C17orf75: variants seen among roughly 807,000 people sequenced by gnomAD.
C17orf75 encodes the protein chromosome 17 open reading frame 75, also known as protein Njmu-R1.
A neutral mutation model predicts 49.6 loss-of-function variants in C17orf75; 32 were observed. That is an observed-to-expected ratio of 0.65 (90% CI 0.49 to 0.87). The LOEUF is 0.87. C17orf75 is among the 40% of genes least tolerant of loss of function. The pLI is 0.00. For synonymous variants in C17orf75, 158 were observed against 159.5 expected, an observed-to-expected ratio of 0.99 and a Z score of 0.07; for missense variants, 428 against 473.9, an observed-to-expected ratio of 0.90 and a Z score of 0.90.
At chr17:32,342,221 G>A (rs1174955386), upstream of C17orf75, 5 of 1,401,796 alleles carry the variant, frequency 3.6e-6, no homozygotes, top group Non-Finnish European at 4.7e-6. Flanking sequence ...GGGCTCGTCC[G>A]GCTCCCGGCC....
rs1400503879 is a variant in C17orf75 at position 32,341,989 on chromosome 17, G to A, written c.140+11C>T. On this transcript the variant is annotated intron_variant, in intron 1 of 9. Coordinates refer to ENST00000577809, the MANE Select transcript of C17orf75 (RefSeq NM_022344.4). ...GCGGGCGGGCTGGCAGGCCGAGCTG[G>A]GCGCCAGCACCTGCTTCCGCGATAG... The A allele has an allele frequency of 2.8e-6, 4 of 1,437,028 alleles. No homozygotes were observed. The highest frequency in any genetic ancestry group is 3.7e-6 in the Non-Finnish European group (4 of 1,090,958). The allele number at this position is 1,437,028 out of a possible 1,614,324, so 89.0% of individuals were successfully genotyped here. A position where few individuals can be genotyped will look rare whatever the true frequency, so the allele number is the denominator to read the frequency against.
intron 8 of C17orf75, 49 bp from the exon 9 acceptor site, chr17:32,333,569 TTA>T (rs757129391): frequency 1.5e-6 from 2 of 1,366,338 alleles, no homozygotes; most frequent in South Asian, 2.5e-5. Flanking sequence ...TTACAAAGCT[TTA>T]TTTATTTATT....
upstream of C17orf75, chr17:32,343,874 TGA>T (rs1336948698): frequency 6.6e-5 from 45 of 678,524 alleles, no homozygotes; most frequent in Non-Finnish European, 8.1e-5. Context: ...CTGGAGAGGT[TGA>T]GTTACCACAG....
intron 1 of C17orf75, among the ~76,000 whole-genome samples, chr17:32,347,213 G>A (rs767316727): frequency 2.6e-5 from 4 of 151,736 alleles, no homozygotes; most frequent in South Asian, 2.1e-4. Context: ...AACCCACATC[G>A]GCCTCCCAAA....
Position 32,338,337 on chromosome 17 carries a change from C to A in C17orf75, c.362G>T (p.Arg121Leu), listed in dbSNP as rs754719284. 1 of 1,601,788 alleles carries A rather than the reference C, an allele frequency of 6.2e-7. No individual in the cohort carries two copies. The highest frequency in any genetic ancestry group is 1.8e-5 in the Admixed American group (1 of 55,770). ...GAAAAGGCAGTAATAACAACCAACT[C>A]GGTAACCTGGAATTCTAGAAAAGAA... ...ASVELKIPGY[R>L]VGCYYCLFQN... is the part of the protein sequence containing the mutation. Residue 121 changes from arginine (R) to leucine (L), a missense_variant, in exon 4 of 10, where the codon CGA becomes CTA. By Grantham distance (102) the Arg-to-Leu change is moderately radical (BLOSUM62 -2). Coordinates refer to ENST00000577809, the MANE Select transcript of C17orf75 (RefSeq NM_022344.4).
At chr17:32,339,408 T>TAAA (rs574223196) in intron 3 of C17orf75, among the ~76,000 whole-genome samples, 1 of 114,850 alleles carries the variant, frequency 8.7e-6, no homozygotes, top group Non-Finnish European at 1.9e-5. Context: ...ACCCCATTTC[T>TAAA]AAAAAAAAAA....
upstream of C17orf75, chr17:32,343,866 G>A: frequency 1.5e-6 from 1 of 677,772 alleles, no homozygotes; most frequent in Non-Finnish European, 2.7e-6. Flanking sequence ...AGAACTTCCT[G>A]GAGAGGTTGA....
intron 5 of C17orf75, among the ~76,000 whole-genome samples, chr17:32,335,729 T>C (rs2041318576): frequency 6.6e-6 from 1 of 152,054 alleles, no homozygotes; most frequent in Admixed American, 6.6e-5. Flanking sequence ...CAGGGAAGAG[T>C]TGGGCACTCA....
In C17orf75 at chr17:32,338,283, A is replaced by G. The variant is rs1399617693; in HGVS notation, c.416T>C (p.Val139Ala). 1 of 1,612,836 alleles carries G rather than the reference A, an allele frequency of 6.2e-7. No homozygotes were observed. The change falls in exon 4 of 10, where the codon GTA becomes GCA. Residue 139 changes from valine (V) to alanine (A), a missense_variant. By Grantham distance (64) the Val-to-Ala change is moderately conservative. Transcript: ENST00000577809. ...AGGGTTACGTTCAGAGTCTATCGTT[A>G]CTGTTTCAGGAAGCAGTTTTTCATT... ...FQNEKLLPET[V>A]TIDSERNPSE...
intron 5 of C17orf75, among the ~76,000 whole-genome samples, chr17:32,337,153 T>C (rs1240496131): frequency 6.7e-6 from 1 of 148,426 alleles, no homozygotes; most frequent in East Asian, 2.0e-4. Context: ...TCTCAAAAAA[T>C]GAAAAAGAAA....
rs1259755488 is a variant in C17orf75 at position 32,335,329 on chromosome 17, T to C, written c.663A>G (p.Leu221=). The C allele has an allele frequency of 5.0e-6, 8 of 1,613,772 alleles. No individual in the cohort carries two copies. Among genetic ancestry groups the C allele is most frequent in the Non-Finnish European group, 8.5e-7 (1 of 1,179,822 alleles). Residue 221 remains leucine (L), a synonymous_variant, in exon 6 of 10, where the codon CTA becomes CTG. Transcript: ENST00000577809. The stretch of plus-strand genomic sequence containing the variant: ...CTCATTTGGCAGTACTTACAGCATG[T>C]AGCAGAAAGGTAAGCTTTTCCTGAA... The part of the protein sequence containing the change: ...LLFQEKLTFL[L]HAALSYTPVE...
chr17:32,340,084 AATGT>A (rs2041364422), intron 2 of C17orf75, 146 bp from the exon 3 acceptor site: 1 of 849,454 alleles, frequency 1.2e-6, no homozygotes, highest in African/African-American at 1.7e-5. Context: ...GGCTTCTAGG[AATGT>A]ATGTCACTAA....
intron 8 of C17orf75, among the ~76,000 whole-genome samples, chr17:32,333,880 C>T (rs1177945706): frequency 6.6e-6 from 1 of 152,138 alleles, no homozygotes; most frequent in Non-Finnish European, 1.5e-5. Context: ...GGCTGAAGCC[C>T]CCTGTATGCC....
Position 32,342,016 on chromosome 17 carries a change from T to C in C17orf75, c.124A>G (p.Ser42Gly). 1.3e-6 allele frequency: 2 copies of C among 1,525,722 alleles called. No individual in the cohort carries two copies. Among genetic ancestry groups the C allele is most frequent in the Middle Eastern group, 1.7e-4 (1 of 5,928 alleles). The allele number at this position is 1,525,722 out of a possible 1,614,324, so 94.5% of individuals were successfully genotyped here. A position where few individuals can be genotyped will look rare whatever the true frequency, so the allele number is the denominator to read the frequency against. Reference protein sequence around the residue: ...PPSSSHYCLYSYRGSRLAQQR... With the variant: ...PPSSSHYCLYGYRGSRLAQQR... Reference sequence around the variant, plus strand: ...CGCCAGCACCTGCTTCCGCGATAGCTGTAAAGACAGTAGTGGCTGCTGGAC... The same window carrying C: ...CGCCAGCACCTGCTTCCGCGATAGCCGTAAAGACAGTAGTGGCTGCTGGAC... The change falls in exon 1 of 10, where the codon AGC becomes GGC. Residue 42 changes from serine to glycine, a missense_variant. Coordinates refer to ENST00000577809, the MANE Select transcript of C17orf75 (RefSeq NM_022344.4).
rs147119418 is a variant in C17orf75, at chr17:32,330,507, C to T, written c.*1256G>A. The stretch of plus-strand genomic sequence containing the variant: ...AAATGAATTTATTAAAGAGCTATCC[C>T]GAGCAAATTGCAATTGTATGTATGT... On this transcript the variant is annotated 3_prime_UTR_variant, in exon 10 of 10. Coordinates refer to ENST00000577809, the MANE Select transcript of C17orf75 (RefSeq NM_022344.4). 121 of 152,270 alleles carry T rather than the reference C, an allele frequency of 7.9e-4. No individual in the cohort carries two copies. Among genetic ancestry groups the T allele is most frequent in the African/African-American group, 2.8e-3 (115 of 41,532 alleles). The allele number at this position is 152,270 out of a possible 1,614,324, so 9.4% of individuals were successfully genotyped here. A position where few individuals can be genotyped will look rare whatever the true frequency, so the allele number is the denominator to read the frequency against.
Position 32,334,502 on chromosome 17 carries a change from A to G in C17orf75, c.838T>C (p.Cys280Arg). The G allele has an allele frequency of 6.2e-7, 1 of 1,612,484 alleles. No individual in the cohort carries two copies. Among genetic ancestry groups the G allele is most frequent in the Non-Finnish European group, 8.5e-7 (1 of 1,179,350 alleles). The change falls in exon 8 of 10, where the codon TGC becomes CGC. Residue 280 changes from cysteine (C) to arginine (R), a missense_variant. By Grantham distance (180) the Cys-to-Arg change is radical (BLOSUM62 -3). Coordinates refer to ENST00000577809, the MANE Select transcript of C17orf75 (RefSeq NM_022344.4). Reference protein sequence around the residue: ...EEQHKSVVIDCSSSQPQFCNA... With the variant: ...EEQHKSVVIDRSSSQPQFCNA... ...CAGAACTGAGGCTGGGAGCTGCTGC[A>G]ATCGATGACCACAGACTTATGCTGC...
intron 1 of C17orf75, among the ~76,000 whole-genome samples, chr17:32,348,110 C>T (rs1017097995): frequency 1.2e-4 from 18 of 151,884 alleles, no homozygotes; most frequent in South Asian, 4.2e-4. Context: ...CTCCGCCTCC[C>T]GGGTTCAAGC....
intron 2 of C17orf75, 76 bp downstream of exon 2, chr17:32,341,128 A>G: frequency 7.1e-7 from 1 of 1,410,666 alleles, no homozygotes; most frequent in Non-Finnish European, 1.0e-6. Context: ...GAAATAGAGT[A>G]TCCACTGACA....
chr17:32,341,790 G>A, intron 1 of C17orf75: 1 of 1,052,194 alleles, frequency 9.5e-7, no homozygotes, highest in Non-Finnish European at 1.1e-6. Context: ...GCATGGTTGG[G>A]CCAGGCATAC....
Sources: allele counts gnomAD v4.1 joint callset (sites outside exome capture counted in the v4.1 genomes callset), GRCh38; gene constraint gnomAD v4.1.1; transcripts MANE v1.5; gene names NCBI Gene and HGNC (gene_info 2026-07-23, HGNC 2026-07-21).